Variants in LRRTM3 observed in about 807,000 individuals in gnomAD.
LRRTM3 encodes the protein leucine-rich repeat transmembrane neuronal protein 3.
LRRTM3 carries 24 observed loss-of-function variants against 44.7 expected under a neutral mutation model. The ratio of observed to expected loss-of-function variants is 0.54; its 90% CI spans 0.39 to 0.76. LRRTM3 has a LOEUF of 0.76. Among genes scored for constraint, LRRTM3 ranks in the 30% least tolerant of loss-of-function variants. LRRTM3 has a pLI of 0.00. For synonymous variants in LRRTM3, 277 were observed against 278.7 expected, an observed-to-expected ratio of 0.99 and a Z score of 0.06; for missense variants, 587 against 702.2, an observed-to-expected ratio of 0.84 and a Z score of 1.85.
chr10:67,067,157 G>C (rs1856142657), intron 2 of LRRTM3, among the ~76,000 whole-genome samples: 1 of 152,072 alleles, frequency 6.6e-6, no homozygotes, highest in Non-Finnish European at 1.5e-5. Flanking sequence ...TATGACATAA[G>C]CATGTCATAT....
intron 2 of LRRTM3, among the ~76,000 whole-genome samples, chr10:66,984,560 C>A (rs1850621446): frequency 6.6e-6 from 1 of 152,138 alleles, no homozygotes; most frequent in Admixed American, 6.5e-5. Context: ...AAAAAATAAA[C>A]TGCTACATAA....
chr10:67,068,922 T>C (rs1406403887), intron 2 of LRRTM3, among the ~76,000 whole-genome samples: 1 of 152,096 alleles, frequency 6.6e-6, no homozygotes, highest in Non-Finnish European at 1.5e-5. Flanking sequence ...TAGCTGGGCC[T>C]GGTGGCAGGT....
At chr10:67,087,008 T>C (rs145735196) in intron 2 of LRRTM3, among the ~76,000 whole-genome samples, 3,753 of 152,048 alleles carry the variant, frequency 0.025, 78 homozygotes, top group South Asian at 0.1. Flanking sequence ...CTGCACCTCA[T>C]TGCACCACAG....
chr10:66,999,768 A>T (rs1330052637), intron 2 of LRRTM3, among the ~76,000 whole-genome samples: 1 of 152,200 alleles, frequency 6.6e-6, no homozygotes, highest in African/African-American at 2.4e-5. Context: ...AATTTATCTT[A>T]GTTGAATTTT....
intron 2 of LRRTM3, among the ~76,000 whole-genome samples, chr10:67,030,779 G>A (rs1291548772): frequency 6.6e-6 from 1 of 152,144 alleles, no homozygotes; most frequent in Non-Finnish European, 1.5e-5. Context: ...GCCGAGGTGG[G>A]CAGATCACGA....
rs575183034 is a variant in LRRTM3 at position 66,937,296 on chromosome 10, G to A, written c.1536+8844G>A. Among the ~76,000 whole-genome samples the A allele has an allele frequency of 2.6e-5, 4 of 152,180 alleles. No homozygotes were observed. The South Asian group carries it at 8.3e-4, about 32-fold the overall frequency. ...ACAATGTAGTTATCATGGGATTGTT[G>A]CAAGAAGGCAAAGAATCAGCATTTG... On this transcript the variant is annotated intron_variant, in intron 2 of 2. Coordinates refer to ENST00000361320, the MANE Select transcript of LRRTM3 (RefSeq NM_178011.5).
Position 66,966,468 on chromosome 10 carries a change from A to G in LRRTM3, c.1536+38016A>G, listed in dbSNP as rs182490338. On this transcript the variant is annotated intron_variant, in intron 2 of 2. Coordinates refer to ENST00000361320, the MANE Select transcript of LRRTM3 (RefSeq NM_178011.5). ...AAAGAATTAATATGCAGCTGGGTTAACTCGGCTATGTAATATATTTTTTTT... is the reference window on the plus strand; with the variant it reads ...AAAGAATTAATATGCAGCTGGGTTAGCTCGGCTATGTAATATATTTTTTTT... 4.6e-3 allele frequency among the ~76,000 whole-genome samples: 633 copies of G among 137,252 alleles called. 37 individuals carry two copies. In the East Asian group the frequency reaches 0.11, roughly 25 times the overall value. The allele number at this position is 137,252 out of a possible 152,430, so 90.0% of individuals were successfully genotyped here.
intron 2 of LRRTM3, among the ~76,000 whole-genome samples, chr10:67,033,186 C>T (rs1022648389): frequency 3.3e-5 from 5 of 152,148 alleles, no homozygotes; most frequent in Admixed American, 2.6e-4. Flanking sequence ...ATCTTCAAGT[C>T]CTCTTGAATT....
chr10:67,074,381 C>A (rs1416292055), intron 2 of LRRTM3, among the ~76,000 whole-genome samples: 1 of 117,240 alleles, frequency 8.5e-6, no homozygotes, highest in Non-Finnish European at 1.7e-5. Context: ...GACGGAGTCT[C>A]GCTCTGTCGC....
intron 2 of LRRTM3, among the ~76,000 whole-genome samples, chr10:67,079,530 A>T (rs1249200438): frequency 6.6e-6 from 1 of 152,182 alleles, no homozygotes; most frequent in Non-Finnish European, 1.5e-5. Context: ...CATCTGTGTT[A>T]TAATTAGGAA....
rs561306751 is a variant in LRRTM3, at chr10:67,095,677, T to C, written c.1537-1910T>C. Among the ~76,000 whole-genome samples the C allele has an allele frequency of 5.3e-5, 8 of 151,942 alleles. No homozygotes were observed. In the South Asian group the frequency reaches 1.7e-3, roughly 31 times the overall value. ...TAATTCTAAGTAAGCCAGAAATGATTCTGCATATATGAGGCATAAGTTTCC... is the reference window on the plus strand; with the variant it reads ...TAATTCTAAGTAAGCCAGAAATGATCCTGCATATATGAGGCATAAGTTTCC... On this transcript the variant is annotated intron_variant, in intron 2 of 2. Coordinates refer to ENST00000361320, the MANE Select transcript of LRRTM3 (RefSeq NM_178011.5).
At chr10:66,997,591 C>G (rs542993589) in intron 2 of LRRTM3, among the ~76,000 whole-genome samples, 1 of 152,180 alleles carries the variant, frequency 6.6e-6, no homozygotes, top group East Asian at 1.9e-4. Context: ...CTCCTATACA[C>G]TGTTTTCCTA....
intron 2 of LRRTM3, among the ~76,000 whole-genome samples, chr10:67,068,412 G>C (rs908990272): frequency 2.6e-5 from 4 of 152,202 alleles, no homozygotes; most frequent in Admixed American, 6.5e-5. Context: ...CGATGGATCT[G>C]TCTGTTAAGT....
At chr10:67,054,260 A>G (rs550495801) in intron 2 of LRRTM3, among the ~76,000 whole-genome samples, 2 of 152,294 alleles carry the variant, frequency 1.3e-5, no homozygotes, top group South Asian at 4.1e-4. Context: ...CAATGTGGAG[A>G]TATAAAAATT....
chr10:66,932,664 A>C (rs1178313554), intron 2 of LRRTM3, among the ~76,000 whole-genome samples: 2 of 148,294 alleles, frequency 1.3e-5, no homozygotes, highest in Non-Finnish European at 3.0e-5. Flanking sequence ...GATGTTAAAT[A>C]GTTTGTATCA....
At chr10:66,949,461 G>A (rs1302339853) in intron 2 of LRRTM3, among the ~76,000 whole-genome samples, 2 of 152,056 alleles carry the variant, frequency 1.3e-5, no homozygotes, top group African/African-American at 4.8e-5. Context: ...GGGAGGCTGA[G>A]GCAGGAGAAT....
chr10:66,941,417 T>A (rs1564783149), intron 2 of LRRTM3, among the ~76,000 whole-genome samples: 1 of 152,222 alleles, frequency 6.6e-6, no homozygotes, highest in East Asian at 1.9e-4. Context: ...GGAGAATATC[T>A]TAGGTTCCTC....
chr10:67,079,936 T>C (rs550139474), intron 2 of LRRTM3, among the ~76,000 whole-genome samples: 1 of 150,384 alleles, frequency 6.6e-6, no homozygotes, highest in African/African-American at 2.5e-5. Flanking sequence ...CACAGCAGCA[T>C]GTAAGAAGTG....
At chr10:67,074,034 C>CGTT (rs1554912985) in intron 2 of LRRTM3, among the ~76,000 whole-genome samples, 1 of 109,436 alleles carries the variant, frequency 9.1e-6, no homozygotes, top group South Asian at 3.5e-4. Context: ...CATTTTAACT[C>CGTT]TTTTTTTTTT....
Sources: allele counts gnomAD v4.1 joint callset (sites outside exome capture counted in the v4.1 genomes callset), GRCh38; gene constraint gnomAD v4.1.1; transcripts MANE v1.5; gene names NCBI Gene and HGNC (gene_info 2026-07-23, HGNC 2026-07-21).